Variants in GPM6A observed in about 807,000 individuals in gnomAD.
GPM6A encodes the protein neuronal membrane glycoprotein M6-a.
GPM6A carries 7 observed loss-of-function variants against 32.1 expected under a neutral mutation model. The observed-to-expected ratio is 0.22, with a 90% CI of 0.12 to 0.41. The LOEUF is 0.41. Among genes scored for constraint, GPM6A ranks in the 10% least tolerant of loss-of-function variants. The pLI, the probability that GPM6A is intolerant of heterozygous loss-of-function variation, is 1.00. For missense variants in GPM6A, 235 were observed against 347.2 expected, an observed-to-expected ratio of 0.68 and a Z score of 2.57; for synonymous variants, 130 against 123.4, an observed-to-expected ratio of 1.05 and a Z score of -0.35.
At chr4:175,740,701 A>G (rs1007659261) in intron 1 of GPM6A, among the ~76,000 whole-genome samples, 1 of 152,048 alleles carries the variant, frequency 6.6e-6, no homozygotes, top group Non-Finnish European at 1.5e-5. Flanking sequence ...GTTTCATTTT[A>G]TTATAATTGA....
intron 1 of GPM6A, among the ~76,000 whole-genome samples, chr4:175,983,246 A>G (rs1740870368): frequency 6.6e-6 from 1 of 152,240 alleles, no homozygotes; most frequent in Admixed American, 6.5e-5. Flanking sequence ...CGTATCAGAC[A>G]GATACATAGA....
intron 1 of GPM6A, among the ~76,000 whole-genome samples, chr4:175,955,811 T>G (rs571930330): frequency 1.3e-5 from 2 of 152,250 alleles, no homozygotes; most frequent in East Asian, 3.9e-4. Flanking sequence ...GATCCAGTGT[T>G]GTATGAAGCA....
At chr4:175,680,705 G>A (rs930925865) in intron 2 of GPM6A, among the ~76,000 whole-genome samples, 7 of 152,068 alleles carry the variant, frequency 4.6e-5, no homozygotes, top group African/African-American at 9.7e-5. Flanking sequence ...TATCCTGTCC[G>A]TCCTGTTCCT....
intron 1 of GPM6A, among the ~76,000 whole-genome samples, chr4:175,981,783 G>T (rs1471991604): frequency 1.3e-5 from 2 of 151,960 alleles, no homozygotes; most frequent in South Asian, 2.1e-4. Context: ...GTGTATTTTT[G>T]ATTTTATAAA....
chr4:175,781,172 T>C (rs1733601157), intron 1 of GPM6A: 2 of 151,952 alleles, frequency 1.3e-5, no homozygotes, highest in African/African-American at 4.8e-5. Context: ...CACATTAATT[T>C]CTTTGGTTTT....
intron 2 of GPM6A, among the ~76,000 whole-genome samples, chr4:175,695,649 G>C (rs1744536817): frequency 1.3e-5 from 2 of 152,034 alleles, no homozygotes; most frequent in Non-Finnish European, 2.9e-5. Flanking sequence ...TATTTTATAG[G>C]CTCATAGGTG....
intron 1 of GPM6A, among the ~76,000 whole-genome samples, chr4:175,733,068 C>A (rs1731501585): frequency 6.6e-6 from 1 of 152,098 alleles, no homozygotes; most frequent in African/African-American, 2.4e-5. Context: ...TTACTTTCCT[C>A]ATGAAGTTTT....
intron 3 of GPM6A, among the ~76,000 whole-genome samples, chr4:175,666,165 C>A (rs1742742626): frequency 6.6e-6 from 1 of 152,048 alleles, no homozygotes; most frequent in Middle Eastern, 3.2e-3. Flanking sequence ...GGTGATCCAC[C>A]TGCCTCGGTC....
At chr4:175,834,326 C>T (rs1435276726) in intron 1 of GPM6A, among the ~76,000 whole-genome samples, 2 of 152,030 alleles carry the variant, frequency 1.3e-5, no homozygotes, top group Non-Finnish European at 2.9e-5. Flanking sequence ...TAGAATTGTT[C>T]GGCTGCTTTT....
chr4:175,689,812 G>A (rs1425877209), intron 2 of GPM6A, among the ~76,000 whole-genome samples: 1 of 152,172 alleles, frequency 6.6e-6, no homozygotes, highest in Non-Finnish European at 1.5e-5. Context: ...GATGTTCTCA[G>A]AAGCCGCCAG....
At chr4:175,668,675 C>A (rs1423138875) in intron 3 of GPM6A, among the ~76,000 whole-genome samples, 1 of 152,122 alleles carries the variant, frequency 6.6e-6, no homozygotes, top group Non-Finnish European at 1.5e-5. Context: ...GCATCTTAGA[C>A]TACCAAGTTC....
intron 1 of GPM6A, among the ~76,000 whole-genome samples, chr4:175,923,757 T>C (rs1738746254): frequency 6.6e-6 from 1 of 152,102 alleles, no homozygotes; most frequent in African/African-American, 2.4e-5. Flanking sequence ...TCTCATCATG[T>C]TGCTCAGGCT....
At chr4:175,891,678 ATTCCTT>A (rs1428065975) in intron 1 of GPM6A, 1 of 152,232 alleles carries the variant, frequency 6.6e-6, no homozygotes, top group Non-Finnish European at 1.5e-5. Flanking sequence ...GACAGTAGTT[ATTCCTT>A]GAGAAGCTGT....
intron 2 of GPM6A, among the ~76,000 whole-genome samples, chr4:175,693,300 A>C (rs1744398365): frequency 6.8e-6 from 1 of 148,136 alleles, no homozygotes; most frequent in South Asian, 2.1e-4. Context: ...ATATATATAT[A>C]AAATATACAT....
chr4:175,679,386 C>T (rs981902611), intron 2 of GPM6A, among the ~76,000 whole-genome samples: 2 of 152,062 alleles, frequency 1.3e-5, no homozygotes, highest in African/African-American at 4.8e-5. Flanking sequence ...GCCCTTCTGC[C>T]TCTCAGTACT....
At chr4:175,977,325 G>GT (rs966073167) in intron 1 of GPM6A, among the ~76,000 whole-genome samples, 28 of 152,224 alleles carry the variant, frequency 1.8e-4, no homozygotes, top group South Asian at 1.5e-3. Context: ...AAGTTTAGCT[G>GT]TATTTTATTT....
At chr4:175,803,748 C>T (rs1230480877) in intron 1 of GPM6A, among the ~76,000 whole-genome samples, 1 of 151,976 alleles carries the variant, frequency 6.6e-6, no homozygotes, top group African/African-American at 2.4e-5. Context: ...ATTGGGAAAC[C>T]AAAAGTCAAT....
chr4:175,760,595 G>T (rs1289353632), intron 1 of GPM6A, among the ~76,000 whole-genome samples: 4 of 152,144 alleles, frequency 2.6e-5, no homozygotes. Context: ...ATTAAATCAA[G>T]ATTCCAATGA....
At chr4:175,787,132 T>C (rs79778572) in intron 1 of GPM6A, among the ~76,000 whole-genome samples, 3 of 152,242 alleles carry the variant, frequency 2.0e-5, no homozygotes, top group African/African-American at 7.2e-5. Context: ...CCTTGATACA[T>C]ATGACTGTTC....
Sources: gnomAD v4.1 joint callset for allele counts (sites outside exome capture counted in the v4.1 genomes callset) on GRCh38, gnomAD v4.1.1 for gene constraint, MANE v1.5 for transcripts, NCBI Gene and HGNC (gene_info 2026-07-23, HGNC 2026-07-21) for gene names.